FOXN3: variants seen among roughly 807,000 people sequenced by gnomAD.
FOXN3 encodes the protein forkhead box protein N3.
FOXN3 carries 7 observed loss-of-function variants against 38.4 expected under a neutral mutation model. The ratio of observed to expected loss-of-function variants is 0.18; its 90% CI spans 0.10 to 0.34. FOXN3 has a LOEUF of 0.34. Among genes scored for constraint, FOXN3 ranks in the 10% least tolerant of loss-of-function variants. The pLI is 1.00. For synonymous variants in FOXN3, 230 were observed against 242.2 expected (o/e 0.95, Z 0.47); for missense variants, 456 against 613.4 (o/e 0.74, Z 2.71).
intron 3 of FOXN3, among the ~76,000 whole-genome samples, chr14:89,303,649 C>T (rs1887289794): frequency 6.6e-6 from 1 of 152,162 alleles, no homozygotes; most frequent in Non-Finnish European, 1.5e-5. Flanking sequence ...CTCTTCATTG[C>T]CATGATGCTT....
rs558285281 is a variant in FOXN3, at chr14:89,545,217, G to A, written c.-15+73811C>T. On this transcript the variant is annotated intron_variant, in intron 1 of 6. Transcript: ENST00000345097. ...TGCTTGATAGCATTTGTAATGAATCGTCACCTTCAGTGAGAGCCTCTTCAA... is the reference window on the plus strand; with the variant it reads ...TGCTTGATAGCATTTGTAATGAATCATCACCTTCAGTGAGAGCCTCTTCAA... 2.2e-4 allele frequency among the ~76,000 whole-genome samples: 33 copies of A among 152,250 alleles called. No individual in the cohort carries two copies. In the South Asian group the frequency reaches 6.4e-3, roughly 30 times the overall value.
chr14:89,448,475 C>T (rs934859217), intron 1 of FOXN3, among the ~76,000 whole-genome samples: 3 of 152,124 alleles, frequency 2.0e-5, no homozygotes, highest in Non-Finnish European at 4.4e-5. Context: ...GTACACAAGG[C>T]ACTCAGGATA....
intron 1 of FOXN3, among the ~76,000 whole-genome samples, chr14:89,529,312 G>A (rs1460194035): frequency 5.3e-5 from 8 of 152,308 alleles, no homozygotes; most frequent in East Asian, 1.9e-4. Context: ...AGATACCACA[G>A]AGGATGCACC....
At chr14:89,598,340 C>G (rs1192876832) in intron 1 of FOXN3, among the ~76,000 whole-genome samples, 4 of 152,076 alleles carry the variant, frequency 2.6e-5, no homozygotes, top group Non-Finnish European at 1.5e-5. Context: ...TCACTCCTTA[C>G]ATTTCTGAGC....
At chr14:89,611,357 GA>G (rs1406030269) in intron 1 of FOXN3, among the ~76,000 whole-genome samples, 1 of 152,188 alleles carries the variant, frequency 6.6e-6, no homozygotes. Context: ...TGCTGTCTAG[GA>G]AATCTGTTTT....
intron 1 of FOXN3, among the ~76,000 whole-genome samples, chr14:89,498,212 T>C (rs112984739): frequency 3.5e-4 from 15 of 42,792 alleles, no homozygotes; most frequent in South Asian, 2.3e-3. Context: ...CTCTCTCTCT[T>C]TTTTTTTTTT....
intron 1 of FOXN3, among the ~76,000 whole-genome samples, chr14:89,592,171 C>T (rs1305965946): frequency 6.6e-6 from 1 of 151,838 alleles, no homozygotes; most frequent in African/African-American, 2.4e-5. Flanking sequence ...GAAAGTAAGG[C>T]AATAAGACAA....
intron 2 of FOXN3, among the ~76,000 whole-genome samples, chr14:89,394,184 C>A (rs969261345): frequency 5.3e-5 from 8 of 151,234 alleles, no homozygotes; most frequent in Non-Finnish European, 1.2e-4. Flanking sequence ...CCCTAACTCC[C>A]AACACCACCA....
intron 3 of FOXN3, among the ~76,000 whole-genome samples, chr14:89,331,584 T>A (rs1189027616): frequency 2.0e-5 from 3 of 152,238 alleles, no homozygotes; most frequent in African/African-American, 4.8e-5. Flanking sequence ...TAACTCCCCG[T>A]GTGATCTTAG....
At chr14:89,437,191 C>A (rs77899169) in intron 1 of FOXN3, among the ~76,000 whole-genome samples, 1,251 of 77,774 alleles carry the variant, frequency 0.016, 25 homozygotes, top group African/African-American at 0.051. Flanking sequence ...CAAAACAAAA[C>A]AAAAAAAAAC....
chr14:89,288,762 ATATATATG>A (rs1469866343), intron 3 of FOXN3, among the ~76,000 whole-genome samples: 33 of 92,494 alleles, frequency 3.6e-4, no homozygotes, highest in African/African-American at 1.3e-3. Flanking sequence ...ATATATATAT[ATATATATG>A]CTTGCACTGG....
chr14:89,403,126 TTA>T (rs1394119051), intron 2 of FOXN3, among the ~76,000 whole-genome samples: 1 of 152,220 alleles, frequency 6.6e-6, no homozygotes, highest in African/African-American at 2.4e-5. Flanking sequence ...TTATTTTGCA[TTA>T]TGTTTCCTGC....
At chr14:89,306,614 G>A (rs537954317) in intron 3 of FOXN3, among the ~76,000 whole-genome samples, 15 of 152,166 alleles carry the variant, frequency 9.9e-5, no homozygotes, top group East Asian at 1.9e-4. Context: ...TGATCCGCCC[G>A]CCTCAGCCTT....
intron 2 of FOXN3, among the ~76,000 whole-genome samples, chr14:89,358,996 T>C (rs914560204): frequency 1.2e-4 from 18 of 152,300 alleles, no homozygotes; most frequent in Admixed American, 1.1e-3. Context: ...GCTTGGCACA[T>C]GGTAACAGTT....
intron 4 of FOXN3, among the ~76,000 whole-genome samples, chr14:89,264,266 G>A (rs1885898520): frequency 6.6e-6 from 1 of 152,100 alleles, no homozygotes; most frequent in African/African-American, 2.4e-5. Context: ...AGTTCCACAT[G>A]GCTCAGGAGG....
At chr14:89,257,240 T>C (rs1458799732) in intron 4 of FOXN3, among the ~76,000 whole-genome samples, 1 of 152,170 alleles carries the variant, frequency 6.6e-6, no homozygotes, top group Non-Finnish European at 1.5e-5. Flanking sequence ...ATGGTGTTTG[T>C]GGGCAAGGTG....
At chr14:89,388,012 G>C (rs1204647132) in intron 2 of FOXN3, among the ~76,000 whole-genome samples, 4 of 152,220 alleles carry the variant, frequency 2.6e-5, no homozygotes, top group Admixed American at 2.0e-4. Flanking sequence ...ATGAAACTCT[G>C]TCTCTACTAA....
At chr14:89,555,881 G>GTGTGTGTGTGTGTGTGTGTGTGTGTGT (rs374731979) in intron 1 of FOXN3, among the ~76,000 whole-genome samples, 1 of 115,464 alleles carries the variant, frequency 8.7e-6, no homozygotes, top group Non-Finnish European at 2.0e-5. Context: ...GTGTGTATGT[G>GTGTGTGTGTGTGTGTGTGTGTGTGTGT]GGGGTGTATG....
chr14:89,599,748 A>T (rs1025447658), intron 1 of FOXN3, among the ~76,000 whole-genome samples: 1 of 152,114 alleles, frequency 6.6e-6, no homozygotes, highest in Admixed American at 6.6e-5. Flanking sequence ...ATCTGAAATT[A>T]TTTGAGTTTT....
Sources: gnomAD v4.1 joint callset for allele counts (sites outside exome capture counted in the v4.1 genomes callset) on GRCh38, gnomAD v4.1.1 for gene constraint, MANE v1.5 for transcripts, NCBI Gene and HGNC (gene_info 2026-07-23, HGNC 2026-07-21) for gene names.